The following KLF12 variants were observed in gnomAD, a reference collection of about 807,000 sequenced individuals.
KLF12 encodes the protein Krueppel-like factor 12.
A neutral mutation model predicts 37.8 loss-of-function variants in KLF12; 9 were observed. The ratio of observed to expected loss-of-function variants is 0.24; its 90% CI spans 0.14 to 0.42. The LOEUF (loss-of-function observed/expected upper bound fraction) is 0.42, where lower values mean the gene tolerates loss of function less well. Ranked by LOEUF, KLF12 falls within the 10% of genes least tolerant of loss-of-function variation. The probability of loss-of-function intolerance (pLI) is 1.00; values close to 1 mark genes in which losing one functional copy is unlikely to be tolerated. For synonymous variants in KLF12, 208 were observed against 202.1 expected (o/e 1.03, Z -0.25); for missense variants, 411 against 516.0 (o/e 0.80, Z 1.97).
chr13:73,868,684 C>G (rs572940876), intron 3 of KLF12, among the ~76,000 whole-genome samples: 1 of 152,218 alleles, frequency 6.6e-6, no homozygotes, highest in South Asian at 2.1e-4. Flanking sequence ...AGCCACTACG[C>G]CTGGCCTAAA....
chr13:74,155,358 T>A, the KLF12 span, among the ~76,000 whole-genome samples: 2 of 135,362 alleles, frequency 1.5e-5, no homozygotes, highest in Admixed American at 7.2e-5. Flanking sequence ...TTTCCTTTTG[T>A]TTTTGTTTTT....
chr13:74,175,989 C>T, the KLF12 span, among the ~76,000 whole-genome samples: 1 of 152,290 alleles, frequency 6.6e-6, no homozygotes, highest in East Asian at 1.9e-4. Context: ...ATTCAATTCT[C>T]TTGCAATATT....
chr13:74,075,128 A>C (rs772257237), intron 1 of KLF12, among the ~76,000 whole-genome samples: 4 of 152,226 alleles, frequency 2.6e-5, no homozygotes, highest in Non-Finnish European at 5.9e-5. Context: ...GAAAGGGACA[A>C]GAAGGAAGGG....
the KLF12 span, among the ~76,000 whole-genome samples, chr13:74,166,408 G>C: frequency 6.6e-6 from 1 of 151,992 alleles, no homozygotes; most frequent in Non-Finnish European, 1.5e-5. Flanking sequence ...TGCTTTTTAA[G>C]ACCTAAAAGA....
At chr13:74,289,507 C>T in the KLF12 span, among the ~76,000 whole-genome samples, 2 of 152,148 alleles carry the variant, frequency 1.3e-5, no homozygotes, top group Admixed American at 6.5e-5. Context: ...CGGCCCAACT[C>T]CATATTATGG....
intron 1 of KLF12, among the ~76,000 whole-genome samples, chr13:74,049,671 GC>G (rs1427898332): frequency 6.6e-6 from 1 of 152,138 alleles, no homozygotes; most frequent in Non-Finnish European, 1.5e-5. Context: ...GAAAACAGGA[GC>G]AAAATAATAA....
chr13:73,800,243 G>A (rs955397267), intron 5 of KLF12: 2 of 152,048 alleles, frequency 1.3e-5, no homozygotes, highest in African/African-American at 2.4e-5. Context: ...ATTCCTGAGA[G>A]TGAAACCCTA....
At chr13:73,954,746 A>G (rs1015113326) in intron 2 of KLF12, among the ~76,000 whole-genome samples, 2 of 152,222 alleles carry the variant, frequency 1.3e-5, no homozygotes, top group Non-Finnish European at 2.9e-5. Context: ...TATATAATCT[A>G]TCAATTTTTC....
intron 6 of KLF12, among the ~76,000 whole-genome samples, chr13:73,748,902 T>G (rs1029428085): frequency 6.6e-6 from 1 of 152,178 alleles, no homozygotes; most frequent in Non-Finnish European, 1.5e-5. Context: ...TTCTTTATAT[T>G]TATTCACCCC....
intron 4 of KLF12, among the ~76,000 whole-genome samples, chr13:73,820,599 C>T (rs980499587): frequency 1.3e-5 from 2 of 152,198 alleles, no homozygotes; most frequent in Non-Finnish European, 2.9e-5. Flanking sequence ...CTGTGATGGC[C>T]ATAACCCCAG....
intron 1 of KLF12, among the ~76,000 whole-genome samples, chr13:74,055,702 C>T (rs1280736356): frequency 6.6e-6 from 1 of 152,132 alleles, no homozygotes; most frequent in African/African-American, 2.4e-5. Flanking sequence ...CCCTGTAACA[C>T]TGGAAGGTAG....
In KLF12 at chr13:73,690,325, A is replaced by T. The variant is rs1463458588; in HGVS notation, c.*5165T>A. The T allele has an allele frequency of 6.6e-6, 1 of 152,606 alleles. No homozygotes were observed. The highest frequency in any genetic ancestry group is 1.5e-5 in the Non-Finnish European group (1 of 68,040). 9.5% of individuals were successfully genotyped at this position (152,606 alleles called of 1,614,324 possible). A position where few individuals can be genotyped will look rare whatever the true frequency, so the allele number is the denominator to read the frequency against. On this transcript the variant is annotated 3_prime_UTR_variant, in exon 8 of 8. Transcript: ENST00000377669. ...ATTCCTTTAACACGTGGCCATATCC[A>T]CAGCACTTAATCTTGTCAACATGTA...
At chr13:73,904,162 T>C (rs1214451010) in intron 3 of KLF12, among the ~76,000 whole-genome samples, 1 of 152,170 alleles carries the variant, frequency 6.6e-6, no homozygotes, top group Non-Finnish European at 1.5e-5. Context: ...AAATAGGCAA[T>C]CGTGACTTTC....
At chr13:74,125,178 C>G (rs1877871140) in intron 1 of KLF12, among the ~76,000 whole-genome samples, 1 of 151,148 alleles carries the variant, frequency 6.6e-6, no homozygotes, top group Admixed American at 6.6e-5. Context: ...CACACACACA[C>G]ACACACACAC....
intron 3 of KLF12, among the ~76,000 whole-genome samples, chr13:73,929,646 G>A (rs1046908717): frequency 1.3e-5 from 2 of 152,176 alleles, no homozygotes; most frequent in African/African-American, 2.4e-5. Context: ...CAACATGGGT[G>A]GGGCAAAGCG....
chr13:74,150,839 A>G, the KLF12 span, among the ~76,000 whole-genome samples: 1 of 152,168 alleles, frequency 6.6e-6, no homozygotes, highest in Non-Finnish European at 1.5e-5. Context: ...GGAAAGACTC[A>G]TGTCCTGGGG....
the KLF12 span, among the ~76,000 whole-genome samples, chr13:74,165,870 C>T: frequency 0.034 from 5,190 of 152,190 alleles, 201 homozygotes; most frequent in African/African-American, 0.09. Context: ...TGTTAGGATC[C>T]CACATTGCCT....
chr13:74,245,882 C>A, the KLF12 span, among the ~76,000 whole-genome samples: 1 of 152,168 alleles, frequency 6.6e-6, no homozygotes, highest in African/African-American at 2.4e-5. Context: ...TTTAAAAAAT[C>A]ATAGTAACTG....
At chr13:74,224,671 G>A in the KLF12 span, among the ~76,000 whole-genome samples, 26 of 152,208 alleles carry the variant, frequency 1.7e-4, no homozygotes, top group African/African-American at 5.1e-4. Context: ...TCTAACAGTG[G>A]AAATGCTTTG....
Sources: allele counts gnomAD v4.1 joint callset (sites outside exome capture counted in the v4.1 genomes callset), GRCh38; gene constraint gnomAD v4.1.1; transcripts MANE v1.5; gene names NCBI Gene and HGNC (gene_info 2026-07-23, HGNC 2026-07-21).